DST: variants seen among roughly 807,000 people sequenced by gnomAD.
DST encodes the protein dystonin.
DST carries 253 observed loss-of-function variants against 875.2 expected under a neutral mutation model. That is an observed-to-expected ratio of 0.29 (90% confidence interval 0.26 to 0.32). DST has a LOEUF of 0.32. Ranked by LOEUF, DST falls within the 10% of genes least tolerant of loss-of-function variation. The pLI is 1.00. For synonymous variants in DST, 3,124 were observed against 3,197.1 expected, an observed-to-expected ratio of 0.98 and a Z score of 0.77; for missense variants, 8,287 against 9,111.6, an observed-to-expected ratio of 0.91 and a Z score of 3.68.
intron 73 of DST, among the ~76,000 whole-genome samples, chr6:56,510,102 T>A (rs908443055): frequency 2.6e-5 from 4 of 152,188 alleles, no homozygotes; most frequent in Non-Finnish European, 5.9e-5. Flanking sequence ...ATAGACTTAG[T>A]TTCTTATGAA....
At chr6:56,611,705 T>C in intron 37 of DST, 109 bp from the exon 38 acceptor site, 1 of 732,216 alleles carries the variant, frequency 1.4e-6, no homozygotes, top group South Asian at 1.8e-5. Context: ...AAGTCTATTT[T>C]CTGGGTGACC....
chr6:56,643,167 C>T (rs1179605957), intron 15 of DST, among the ~76,000 whole-genome samples: 1 of 152,132 alleles, frequency 6.6e-6, no homozygotes, highest in Non-Finnish European at 1.5e-5. Flanking sequence ...ATGTCCAGGA[C>T]AACTAGTAAA....
At chr6:56,515,330 AG>A (rs2096568397) in intron 72 of DST, 119 bp downstream of exon 72, 2 of 1,122,186 alleles carry the variant, frequency 1.8e-6, no homozygotes, top group East Asian at 5.0e-5. Flanking sequence ...TACACAGACC[AG>A]AACACGGTAT....
intron 49 of DST, among the ~76,000 whole-genome samples, chr6:56,580,627 C>T (rs16888011): frequency 0.039 from 5,955 of 150,980 alleles, 389 homozygotes; most frequent in African/African-American, 0.14. Flanking sequence ...TTCTAGTAGA[C>T]AGCACTGCTG....
At chr6:56,521,147 T>G (rs1456982669) in intron 69 of DST, among the ~76,000 whole-genome samples, 1 of 152,046 alleles carries the variant, frequency 6.6e-6, no homozygotes, top group Non-Finnish European at 1.5e-5. Flanking sequence ...AGAATCCCCA[T>G]GAAAAAGAAG....
chr6:56,620,145 CT>C, intron 36 of DST: 1 of 1,613,556 alleles, frequency 6.2e-7, no homozygotes. Context: ...AATGCAAGGT[CT>C]TTTTCCATCT....
Position 56,692,461 on chromosome 6 carries a change from T to C in DST, c.1047+7192A>G, listed in dbSNP as rs1260603674. 2.3e-6 allele frequency: 3 copies of C among 1,289,538 alleles called. No homozygotes were observed. The African/African-American group carries it at 4.6e-5, about 20-fold the overall frequency. 79.9% of individuals were successfully genotyped at this position (1,289,538 alleles called of 1,614,324 possible). ...GGAATGGCATCTCTTTTTTTTAAAC[T>C]GAAAATGCTGTGTTGCATGAGGGCA... is the stretch of plus-strand genomic sequence containing the variant. On this transcript the variant is annotated intron_variant, in intron 9 of 103. Transcript: ENST00000680361.
rs765193180 is a variant in DST at position 56,636,612 on chromosome 6, A to G, written c.3005T>C (p.Leu1002Ser). 1 of 1,613,674 alleles carries G rather than the reference A, an allele frequency of 6.2e-7. No individual in the cohort carries two copies. Among genetic ancestry groups the G allele is most frequent in the South Asian group, 1.1e-5 (1 of 91,084 alleles). ...AAMQTQWSWILQLCQCVEQHI... is the reference protein window; with the variant it reads ...AAMQTQWSWISQLCQCVEQHI... Reference sequence around the variant, plus strand: ...CTGCTCCACACACTGGCAGAGCTGTAAGATCCAGCTCCACTGCGTCTGCAT... The same window carrying G: ...CTGCTCCACACACTGGCAGAGCTGTGAGATCCAGCTCCACTGCGTCTGCAT... The change falls in exon 23 of 104, where the codon TTA becomes TCA. Residue 1002 changes from leucine to serine, a missense_variant. Physicochemically the swap from Leu to Ser is moderately radical, Grantham distance 145. Coordinates refer to ENST00000680361, the MANE Select transcript of DST (RefSeq NM_001374736.1).
At chr6:56,623,328 A>G (rs994647223) in intron 36 of DST, among the ~76,000 whole-genome samples, 2 of 152,196 alleles carry the variant, frequency 1.3e-5, no homozygotes, top group African/African-American at 4.8e-5. Flanking sequence ...TATTCAATTT[A>G]AAAGATCTGT....
At chr6:56,864,559 A>G (rs762194094) in intron 3 of DST, among the ~76,000 whole-genome samples, 20 of 151,094 alleles carry the variant, frequency 1.3e-4, no homozygotes, top group Admixed American at 3.3e-4. Context: ...ACCCAGCCCC[A>G]TAATTAACTA....
chr6:56,624,965 T>G (rs1300333578), intron 35 of DST, among the ~76,000 whole-genome samples, 192 bp downstream of exon 35: 1 of 152,034 alleles, frequency 6.6e-6, no homozygotes, highest in Non-Finnish European at 1.5e-5. Context: ...GACGAAAAGG[T>G]TCTGGAAATA....
intron 98 of DST, chr6:56,466,649 C>T (rs1701227312): frequency 6.6e-6 from 1 of 152,230 alleles, no homozygotes; most frequent in South Asian, 2.1e-4. Context: ...AACCGTTTTC[C>T]ACTGAACTCT....
intron 49 of DST, among the ~76,000 whole-genome samples, chr6:56,586,591 C>T (rs1399033393): frequency 5.9e-5 from 9 of 152,000 alleles, no homozygotes; most frequent in East Asian, 3.9e-4. Context: ...ATTTAGAGAA[C>T]GGGCAGATTG....
intron 4 of DST, among the ~76,000 whole-genome samples, chr6:56,777,404 A>G (rs190330377): frequency 7.9e-4 from 120 of 152,218 alleles, no homozygotes; most frequent in Non-Finnish European, 3.2e-4. Flanking sequence ...TGGTTTCCAA[A>G]CACTAAGTCC....
chr6:56,823,503 C>G (rs1427160057), intron 4 of DST, among the ~76,000 whole-genome samples: 1 of 151,884 alleles, frequency 6.6e-6, no homozygotes, highest in African/African-American at 2.4e-5. Flanking sequence ...CTCCGCCTCC[C>G]GGATTCAAGC....
chr6:56,491,585 TG>T (rs140511504), intron 85 of DST, among the ~76,000 whole-genome samples: 3,839 of 152,222 alleles, frequency 0.025, 73 homozygotes, highest in Non-Finnish European at 0.043. Flanking sequence ...CTGTGAAATT[TG>T]TGAAAATCTC....
At chr6:56,588,244 C>T (rs543475631) in intron 49 of DST, among the ~76,000 whole-genome samples, 3 of 152,182 alleles carry the variant, frequency 2.0e-5, no homozygotes, top group Non-Finnish European at 4.4e-5. Flanking sequence ...TACCTTCAAT[C>T]TCAACTTTCT....
intron 81 of DST, 111 bp downstream of exon 81, chr6:56,497,745 C>G: frequency 9.3e-7 from 1 of 1,079,030 alleles, no homozygotes; most frequent in South Asian, 1.7e-5. Flanking sequence ...ATTTTTACTC[C>G]TCTCCTTAAG....
At chr6:56,868,249 T>G in intron 3 of DST, among the ~76,000 whole-genome samples, 1 of 152,170 alleles carries the variant, frequency 6.6e-6, no homozygotes, top group East Asian at 1.9e-4. Context: ...AACTATGAGG[T>G]CTTGTTTCCA....
Sources: allele counts gnomAD v4.1 joint callset (sites outside exome capture counted in the v4.1 genomes callset), GRCh38; gene constraint gnomAD v4.1.1; transcripts MANE v1.5; gene names NCBI Gene and HGNC (gene_info 2026-07-23, HGNC 2026-07-21).